Variants in PDE4C observed in about 807,000 individuals in gnomAD.
PDE4C encodes phosphodiesterase 4C.
Under a neutral mutation model 63.9 loss-of-function variants are expected in PDE4C, and 50 were observed. The ratio of observed to expected loss-of-function variants is 0.78; its 90% CI spans 0.62 to 0.99. The LOEUF is 0.99. PDE4C is among the 50% of genes least tolerant of loss of function. PDE4C has a pLI of 0.00. For synonymous variants in PDE4C, 377 were observed against 385.1 expected, an observed-to-expected ratio of 0.98 and a Z score of 0.25; for missense variants, 777 against 899.1, an observed-to-expected ratio of 0.86 and a Z score of 1.74.
In PDE4C at chr19:18,220,040, G is replaced by A. The variant is rs1968388010; in HGVS notation, c.706+186C>T. Among the ~76,000 whole-genome samples the A allele has an allele frequency of 1.3e-5, 2 of 152,036 alleles. No homozygotes were observed. The highest frequency in any genetic ancestry group is 4.1e-4 in the South Asian group (2 of 4,820). ...TTTCTACTCATGCTTCAAAACCGTA[G>A]CTTTAATGTCCCCTGCTCCTGGAAG... On this transcript the variant is annotated intron_variant, in intron 7 of 14. Coordinates refer to ENST00000262805, the Ensembl canonical transcript of PDE4C. The surrounding 1 kb of genome is among the most constrained non-coding windows in gnomAD (Gnocchi z 5.1).
At chr19:18,243,071 C>G (rs1006275971) in intron 1 of PDE4C, among the ~76,000 whole-genome samples, 1 of 151,946 alleles carries the variant, frequency 6.6e-6, no homozygotes, top group African/African-American at 2.4e-5. Context: ...GCCATAGCCA[C>G]GGGGTGTGAG....
In PDE4C at chr19:18,242,343, T is replaced by G. The variant is rs181752548; in HGVS notation, c.-210+5828A>C. Reference sequence around the variant, plus strand: ...ATACAAAAATTACCTGGGTGTGGTGTTGTGTGCCTGTAAGCCCAGCTACTC... The same window carrying G: ...ATACAAAAATTACCTGGGTGTGGTGGTGTGTGCCTGTAAGCCCAGCTACTC... On this transcript the variant is annotated intron_variant, in intron 1 of 15. Coordinates refer to the PDE4C transcript ENST00000594617. 6.3e-4 allele frequency among the ~76,000 whole-genome samples: 91 copies of G among 145,200 alleles called. No individual in the cohort carries two copies. In the Middle Eastern group the frequency reaches 0.011, roughly 17 times the overall value.
exon 4 of PDE4C, chr19:18,221,136 G>A (rs1968464263): frequency 3.2e-6 from 5 of 1,571,152 alleles, no homozygotes; most frequent in Middle Eastern, 2.2e-4. Context: ...TGGCGGGCAA[G>A]GGCCGCCACG....
In PDE4C at chr19:18,240,663, G is replaced by A. The variant is rs372867889; in HGVS notation, c.-209-7263C>T. On this transcript the variant is annotated intron_variant, in intron 1 of 15. Coordinates refer to the PDE4C transcript ENST00000594617. ...GAATCGCTTGAACCTGGGAGGCAGA[G>A]GTTGCAGTGAGCCGAGATCATGCCA... 4.3e-4 allele frequency among the ~76,000 whole-genome samples: 66 copies of A among 152,272 alleles called. 1 individual carries two copies. Among genetic ancestry groups the A allele is most frequent in the African/African-American group, 1.6e-3 (65 of 41,550 alleles).
chr19:18,219,268 C>G (rs755694388), exon 8 of PDE4C: 1 of 1,614,168 alleles, frequency 6.2e-7, no homozygotes, highest in Admixed American at 1.7e-5. Flanking sequence ...AGTCTGGACC[C>G]CAAAGCGTGG....
chr19:18,221,607 GGTTTGTTTGTTT>G (rs112520605), intron 2 of PDE4C, among the ~76,000 whole-genome samples: 44,314 of 151,202 alleles, frequency 0.29, 6,897 homozygotes, highest in Non-Finnish European at 0.34. Context: ...TGGCCTTAAT[GGTTTGTTTGTTT>G]GTTTGTTTGT....
At chr19:18,240,246 G>A (rs1447014570) in intron 1 of PDE4C, among the ~76,000 whole-genome samples, 3 of 151,638 alleles carry the variant, frequency 2.0e-5, no homozygotes, top group Admixed American at 6.6e-5. Context: ...AACCAGCCTG[G>A]GCACCCCGTC....
At chr19:18,222,000 G>T in intron 2 of PDE4C, 132 bp downstream of exon 2, 1 of 726,234 alleles carries the variant, frequency 1.4e-6, no homozygotes. Flanking sequence ...TTGAATATAT[G>T]AGCTGTCTGG....
upstream of PDE4C, among the ~76,000 whole-genome samples, chr19:18,237,842 C>T (rs540265404): frequency 5.0e-5 from 7 of 140,972 alleles, no homozygotes; most frequent in South Asian, 1.1e-3. Flanking sequence ...CACTGCACTC[C>T]AGCCTGAGTG....
chr19:18,249,853 G>A, upstream of PDE4C: 3 of 329,298 alleles, frequency 9.1e-6, no homozygotes, highest in Non-Finnish European at 1.6e-5. Flanking sequence ...GATTACAGGT[G>A]TGAACCACCG....
chr19:18,243,509 G>GA (rs981503253), intron 1 of PDE4C, among the ~76,000 whole-genome samples: 1 of 11,546 alleles, frequency 8.7e-5, no homozygotes, highest in Non-Finnish European at 1.3e-4. Flanking sequence ...GGGGAAAATT[G>GA]GGGGAAGCAC....
downstream of PDE4C, chr19:18,208,030 G>A (rs1262619142): frequency 6.6e-6 from 1 of 151,630 alleles, no homozygotes; most frequent in East Asian, 1.9e-4. Context: ...TTTTTACAGC[G>A]AACATGGTAT....
At chr19:18,233,280 AGGGCCGGGAGT>A in exon 1 of PDE4C, 1 of 1,522,180 alleles carries the variant, frequency 6.6e-7, no homozygotes, top group Admixed American at 2.0e-5. Context: ...GGTCCGGCCC[AGGGCCGGGAGT>A]GGAGGCGACA....
chr19:18,233,268 C>T (rs754393997), exon 1 of PDE4C: 7 of 1,534,782 alleles, frequency 4.6e-6, no homozygotes, highest in Admixed American at 3.9e-5. Context: ...CGTCTGCTCC[C>T]GGGTCCGGCC....
chr19:18,229,589 C>T (rs1039993240), upstream of PDE4C, among the ~76,000 whole-genome samples: 152 of 152,208 alleles, frequency 1.0e-3, 2 homozygotes, highest in South Asian at 1.2e-3. Flanking sequence ...TTGAATGTTC[C>T]CTTCTCTGGG....
At chr19:18,214,859 G>T (rs543910499) in intron 12 of PDE4C, among the ~76,000 whole-genome samples, 2 of 148,402 alleles carry the variant, frequency 1.3e-5, no homozygotes, top group African/African-American at 5.0e-5. Context: ...TGAGGCAGGA[G>T]AATCACTTGA....
At chr19:18,245,648 A>T (rs748494) in intron 1 of PDE4C, among the ~76,000 whole-genome samples, 1 of 151,838 alleles carries the variant, frequency 6.6e-6, no homozygotes, top group Non-Finnish European at 1.5e-5. Context: ...CACTCACCCA[A>T]CCCCACATTT....
exon 15 of PDE4C, chr19:18,210,639 A>C (rs1967880030): frequency 3.1e-6 from 1 of 319,880 alleles, no homozygotes; most frequent in Non-Finnish European, 5.7e-6. Context: ...AGGCTCCAGC[A>C]GACAGCACCT....
At chr19:18,221,751 A>G (rs1968494163) in intron 2 of PDE4C, among the ~76,000 whole-genome samples, 1 of 151,892 alleles carries the variant, frequency 6.6e-6, no homozygotes, top group Non-Finnish European at 1.5e-5. Context: ...CAGCCTCCTG[A>G]GTAGCTGGGA....
Sources: allele counts gnomAD v4.1 joint callset (sites outside exome capture counted in the v4.1 genomes callset), GRCh38; gene constraint gnomAD v4.1.1; non-coding constraint Gnocchi (gnomAD v3.1); transcripts MANE v1.5; gene names NCBI Gene and HGNC (gene_info 2026-07-23, HGNC 2026-07-21).